The following GSG1L variants were observed in gnomAD, a reference collection of about 807,000 sequenced individuals.
GSG1L encodes germ cell-specific gene 1-like protein.
Under a neutral mutation model 42.1 loss-of-function variants are expected in GSG1L, and 24 were observed. That is an observed-to-expected ratio of 0.57 (90% confidence interval 0.41 to 0.80). The LOEUF is 0.80. GSG1L is among the 30% of genes least tolerant of loss of function. The probability of loss-of-function intolerance (pLI) is 0.00; values close to 1 mark genes in which losing one functional copy is unlikely to be tolerated. For missense variants in GSG1L, 445 were observed against 472.2 expected, an observed-to-expected ratio of 0.94 and a Z score of 0.53; for synonymous variants, 215 against 203.5, an observed-to-expected ratio of 1.06 and a Z score of -0.48.
rs146858181 is a variant in GSG1L, at chr16:28,019,491, C to T, written c.349+43585G>A. Reference sequence around the variant, plus strand: ...CAGAAAACTCTTGAATAAGTTTTCACGAGTAGCCATTGGAGTACTCATTCT... The same window carrying T: ...CAGAAAACTCTTGAATAAGTTTTCATGAGTAGCCATTGGAGTACTCATTCT... On this transcript the variant is annotated intron_variant, in intron 1 of 6. Transcript: ENST00000447459. Among the ~76,000 whole-genome samples, 599 of 152,258 alleles carry T rather than the reference C, an allele frequency of 3.9e-3. 3 individuals are homozygous for T. Among genetic ancestry groups the T allele is most frequent in the African/African-American group, 0.012 (482 of 41,546 alleles).
chr16:28,014,943 C>T (rs1002017060), intron 1 of GSG1L, among the ~76,000 whole-genome samples: 1 of 152,218 alleles, frequency 6.6e-6, no homozygotes, highest in African/African-American at 2.4e-5. Context: ...AACCTGGCCC[C>T]TGCCCTGCCC....
intron 2 of GSG1L, among the ~76,000 whole-genome samples, chr16:27,898,549 C>T (rs2084218313): frequency 6.6e-6 from 1 of 151,928 alleles, no homozygotes; most frequent in Non-Finnish European, 1.5e-5. Flanking sequence ...CTGTCTTCCT[C>T]CTCCTCTTCC....
intron 6 of GSG1L, among the ~76,000 whole-genome samples, chr16:27,794,375 G>C (rs2082793359): frequency 6.6e-6 from 1 of 150,672 alleles, no homozygotes; most frequent in East Asian, 2.0e-4. Flanking sequence ...CTGTTGCCCA[G>C]GCTGGAGTGC....
chr16:27,863,839 C>G (rs2083683730), intron 3 of GSG1L, among the ~76,000 whole-genome samples: 1 of 152,230 alleles, frequency 6.6e-6, no homozygotes, highest in Non-Finnish European at 1.5e-5. Flanking sequence ...TACTTTGTGG[C>G]TAAGCCTATA....
At chr16:27,964,884 T>C (rs143515749) in intron 1 of GSG1L, among the ~76,000 whole-genome samples, 2,166 of 152,292 alleles carry the variant, frequency 0.014, 57 homozygotes, top group African/African-American at 0.05. Context: ...AGGGTGACTG[T>C]AGTCAATAAT....
At chr16:28,056,457 C>T (rs1046313339) in intron 1 of GSG1L, among the ~76,000 whole-genome samples, 12 of 102,308 alleles carry the variant, frequency 1.2e-4, no homozygotes, top group South Asian at 6.4e-4. Flanking sequence ...AACATCACAC[C>T]GGGGCCTGCT....
intron 2 of GSG1L, among the ~76,000 whole-genome samples, chr16:27,926,521 AAAAAAAC>A (rs1298150710): frequency 6.6e-6 from 1 of 151,756 alleles, no homozygotes; most frequent in Non-Finnish European, 1.5e-5. Flanking sequence ...AAAAAAAAAC[AAAAAAAC>A]AAAAAAACAA....
intron 1 of GSG1L, among the ~76,000 whole-genome samples, chr16:28,019,020 G>A (rs1174011870): frequency 6.6e-6 from 1 of 152,120 alleles, no homozygotes; most frequent in Non-Finnish European, 1.5e-5. Context: ...ATGCTAAAGG[G>A]AGAAGCTGGT....
intron 1 of GSG1L, among the ~76,000 whole-genome samples, chr16:28,034,636 G>A (rs1287701596): frequency 6.6e-6 from 1 of 152,054 alleles, no homozygotes; most frequent in East Asian, 1.9e-4. Flanking sequence ...CAGGGGAGAG[G>A]CCAAGGTTAG....
chr16:27,830,246 G>T (rs888563260), intron 4 of GSG1L, among the ~76,000 whole-genome samples: 7 of 152,138 alleles, frequency 4.6e-5, no homozygotes, highest in Admixed American at 1.3e-4. Context: ...CTTGGTAACT[G>T]GTTTCCTCCA....
At chr16:27,877,628 C>T (rs558358915) in intron 3 of GSG1L, among the ~76,000 whole-genome samples, 50 of 152,202 alleles carry the variant, frequency 3.3e-4, no homozygotes, top group African/African-American at 1.1e-3. Flanking sequence ...GGCCACCTTC[C>T]TATATAACCC....
intron 2 of GSG1L, among the ~76,000 whole-genome samples, chr16:27,901,277 T>C (rs2084254207): frequency 6.6e-6 from 1 of 152,172 alleles, no homozygotes; most frequent in Non-Finnish European, 1.5e-5. Context: ...CTGCAACCCC[T>C]ATAAGGTGTG....
intron 1 of GSG1L, among the ~76,000 whole-genome samples, chr16:28,006,986 A>T (rs920914367): frequency 6.6e-6 from 1 of 152,184 alleles, no homozygotes; most frequent in Non-Finnish European, 1.5e-5. Flanking sequence ...GGTCAGGGAG[A>T]CACTGAGAGC....
At chr16:27,803,615 C>A (rs776465649) in intron 6 of GSG1L, among the ~76,000 whole-genome samples, 1 of 152,052 alleles carries the variant, frequency 6.6e-6, no homozygotes, top group East Asian at 1.9e-4. Flanking sequence ...GAGCTACCCA[C>A]TTTTATCTCC....
intron 1 of GSG1L, among the ~76,000 whole-genome samples, chr16:27,984,452 T>C (rs2085358357): frequency 6.6e-6 from 1 of 152,126 alleles, no homozygotes; most frequent in African/African-American, 2.4e-5. Context: ...GCCCCAGAAA[T>C]GTCAGGATCA....
intron 2 of GSG1L, among the ~76,000 whole-genome samples, chr16:27,958,478 T>A (rs188605463): frequency 7.9e-5 from 12 of 152,090 alleles, no homozygotes; most frequent in African/African-American, 2.6e-4. Flanking sequence ...TACACCTGTT[T>A]CAAGATAAGG....
At chr16:27,866,531 G>T (rs544155635) in intron 3 of GSG1L, among the ~76,000 whole-genome samples, 35 of 152,206 alleles carry the variant, frequency 2.3e-4, no homozygotes, top group South Asian at 1.0e-3. Flanking sequence ...TGAGCAATCT[G>T]CCCTCCACCC....
At chr16:27,916,486 C>CT (rs35176989) in intron 2 of GSG1L, among the ~76,000 whole-genome samples, 5,577 of 114,792 alleles carry the variant, frequency 0.049, 391 homozygotes, top group African/African-American at 0.16. Flanking sequence ...ATTTTTAATC[C>CT]TTTTTTTTTT....
Position 27,834,447 on chromosome 16 carries a change from G to A in GSG1L, c.663-5491C>T, listed in dbSNP as rs549875949. Among the ~76,000 whole-genome samples, 5 of 151,556 alleles carry A rather than the reference G, an allele frequency of 3.3e-5. 1 individual carries two copies. Among genetic ancestry groups the A allele is most frequent in the African/African-American group, 1.2e-4 (5 of 41,320 alleles). ...ATAACGGTAATGTTAGCTTCATAAA[G>A]TGAATTGCAAAGTTTTCTCTCCTCT... is the stretch of plus-strand genomic sequence containing the variant. On this transcript the variant is annotated intron_variant, in intron 4 of 6. Coordinates refer to ENST00000447459, the MANE Select transcript of GSG1L (RefSeq NM_001109763.2).
Sources: allele counts gnomAD v4.1 joint callset (sites outside exome capture counted in the v4.1 genomes callset), GRCh38; gene constraint gnomAD v4.1.1; transcripts MANE v1.5; gene names NCBI Gene and HGNC (gene_info 2026-07-23, HGNC 2026-07-21).